MED12: variants seen among roughly 807,000 people sequenced by gnomAD.
The protein encoded by MED12 is mediator complex subunit 12, also known as mediator of RNA polymerase II transcription subunit 12.
A neutral mutation model predicts 177.7 loss-of-function variants in MED12; 10 were observed. The observed-to-expected ratio is 0.06, with a 90% CI of 0.03 to 0.10. The LOEUF (loss-of-function observed/expected upper bound fraction) is 0.10. Ranked by LOEUF, MED12 falls within the 10% of genes least tolerant of loss-of-function variation. The pLI is 1.00. For synonymous variants in MED12, 641 were observed against 678.4 expected, an observed-to-expected ratio of 0.94 and a Z score of 0.86; for missense variants, 867 against 1,780.8, an observed-to-expected ratio of 0.49 and a Z score of 9.23.
At position 71,136,330 on chromosome X, in the gene MED12, A is replaced by T; in HGVS notation, c.5075A>T (p.Glu1692Val). The change falls in exon 37 of 45, where the codon GAG (glutamate) becomes GTG (valine). Residue 1692 changes from glutamate to valine, a missense_variant. Around this residue, in one of 14 missense-constraint regions of MED12, gnomAD observed 36 missense variants for 141.5 expected, o/e 0.25. Coordinates refer to ENST00000374080, the MANE Select transcript of MED12 (RefSeq NM_005120.3). ...KQKISPWDLFEGLKPSAPLSW... is the reference protein window; with the variant it reads ...KQKISPWDLFVGLKPSAPLSW... Reference sequence around the variant, plus strand: ...AAGATCTCGCCCTGGGATCTTTTTGAGGGGTTGAAGCCGTCAGCACCACTC... The same window carrying T: ...AAGATCTCGCCCTGGGATCTTTTTGTGGGGTTGAAGCCGTCAGCACCACTC... 8.3e-7 allele frequency: 1 copy of T among 1,211,207 alleles called. No individual in the cohort carries two copies. The highest frequency in any genetic ancestry group is 2.3e-4 in the Middle Eastern group (1 of 4,324).
At chrX:71,139,626 C>T (rs1327579915) in intron 41 of MED12, among the ~76,000 whole-genome samples, 2 of 110,923 alleles carry the variant, frequency 1.8e-5, no homozygotes, top group African/African-American at 3.3e-5. Flanking sequence ...AGGCCAGGCA[C>T]GGTGGCTCAT....
In MED12 at chrX:71,127,873, C is replaced by G; in HGVS notation, c.2982-20C>G. The G allele has an allele frequency of 8.6e-7, 1 of 1,168,406 alleles. No homozygotes were observed. ...CAGGCCTTCTTCAACACTACTATCT[C>G]CTTTCCTCCATCCCTGCAGCGACTT... On this transcript the variant is annotated intron_variant, in intron 21 of 44. Coordinates refer to ENST00000374080, the MANE Select transcript of MED12 (RefSeq NM_005120.3).
In MED12 at chrX:71,141,235, G is replaced by C; in HGVS notation, c.6273G>C (p.Gln2091His). 8.6e-7 allele frequency: 1 copy of C among 1,164,634 alleles called. No individual in the cohort carries two copies. The highest frequency in any genetic ancestry group is 3.3e-5 in the East Asian group (1 of 30,675). The stretch of plus-strand genomic sequence containing the variant: ...TATCTTTTGTGTTCTTATAGCAGCA[G>C]CAGCAACAGCAACAGCAGCAGCAGC... ...QQQQQQILRQ[Q>H]QQQQQQQQQQ... The change falls in exon 43 of 45, where the codon CAG becomes CAC. Residue 2091 changes from glutamine (Q) to histidine (H), a missense_variant. Physicochemically the swap from Gln to His is conservative, Grantham distance 24. Transcript: ENST00000374080.
intron 41 of MED12, among the ~76,000 whole-genome samples, chrX:71,138,667 G>C (rs1180484852): frequency 9.1e-6 from 1 of 109,630 alleles, no homozygotes; most frequent in Non-Finnish European, 1.9e-5. Flanking sequence ...TTGAGCTTGG[G>C]AGTTTGAGGC....
rs1052726888 is a variant in MED12, at chrX:71,129,449, G to A, written c.3691+20G>A. The A allele has an allele frequency of 5.4e-6, 6 of 1,108,315 alleles. No individual in the cohort carries two copies. The highest frequency in any genetic ancestry group is 7.5e-6 in the Non-Finnish European group (6 of 801,853). 91.3% of individuals were successfully genotyped at this position (1,108,315 alleles called of 1,213,427 possible). A position where few individuals can be genotyped will look rare whatever the true frequency, so the allele number is the denominator to read the frequency against. ...TACTTGGTACGGGGGTAGGAAGGGA[G>A]TGGTGCCAGAAGTGTGTATAGGGTG... On this transcript the variant is annotated intron_variant, in intron 26 of 44. Transcript: ENST00000374080.
chrX:71,137,442 C>A, intron 39 of MED12, 59 bp downstream of exon 39: 1 of 1,173,557 alleles, frequency 8.5e-7, no homozygotes, highest in South Asian at 1.8e-5. Context: ...TTTTGAGGGT[C>A]ACAGGACGGA....
At chrX:71,123,547 A>G in intron 11 of MED12, 47 bp from the exon 12 acceptor site, 1 of 1,205,326 alleles carries the variant, frequency 8.3e-7, no homozygotes, top group Non-Finnish European at 1.1e-6. Flanking sequence ...TGAGGAGTGA[A>G]GAAGCAGGTA....
rs368546216 is a variant in MED12, at chrX:71,122,301, G to A, written c.1203G>A (p.Pro401=). ...CACTTGACCACTTGCCTATTGCCCC[G>A]TCCAACCTGCCCATGCCAGAGGGTA... ...GSPLDHLPIA[P]SNLPMPEGNS... The change falls in exon 8 of 45, where the codon CCG becomes CCA. Residue 401 remains proline, a synonymous_variant. Coordinates refer to ENST00000374080, the MANE Select transcript of MED12 (RefSeq NM_005120.3). 2.3e-5 allele frequency: 28 copies of A among 1,210,048 alleles called. No individual in the cohort carries two copies. Among genetic ancestry groups the A allele is most frequent in the African/African-American group, 1.6e-4 (9 of 57,182 alleles).
At chrX:71,134,601 G>A in intron 34 of MED12, 112 bp from the exon 35 acceptor site, 1 of 1,075,670 alleles carries the variant, frequency 9.3e-7, no homozygotes. Flanking sequence ...TACAGTTTTG[G>A]TGCCCTTGGG....
chrX:71,127,741 GC>G, intron 21 of MED12, 151 bp from the exon 22 acceptor site: 1 of 523,697 alleles, frequency 1.9e-6, no homozygotes, highest in Non-Finnish European at 3.3e-6. Context: ...TTCCTTTCCT[GC>G]CCAGTCTGTT....
chrX:71,122,077 G>A, intron 7 of MED12, 123 bp from the exon 8 acceptor site: 1 of 958,658 alleles, frequency 1.0e-6, no homozygotes, highest in Non-Finnish European at 1.5e-6. Context: ...GTGGAGTGAT[G>A]CCTGTCTTGG....
At chrX:71,141,855 C>G (rs73214878) in intron 43 of MED12, 28 bp from the exon 44 acceptor site, 3 of 1,186,965 alleles carry the variant, frequency 2.5e-6, no homozygotes, top group South Asian at 1.8e-5. Context: ...AGTTCGACTT[C>G]AGTCTTCCAC....
intron 15 of MED12, 39 bp downstream of exon 15, chrX:71,125,185 C>T (rs372518014): frequency 8.3e-7 from 1 of 1,200,300 alleles, no homozygotes; most frequent in African/African-American, 1.8e-5. Context: ...CTGTTTTGAA[C>T]CCAGATTGCT....
At position 71,134,349 on chromosome X, in the gene MED12, C is replaced by T. The variant is rs1300956651; in HGVS notation, c.4618-8C>T. On this transcript the variant is annotated splice_polypyrimidine_tract_variant and splice_region_variant and intron_variant, in intron 33 of 44. Coordinates refer to ENST00000374080, the MANE Select transcript of MED12 (RefSeq NM_005120.3). ...AGCCATCTGACTGACTTGTTGTGGC[C>T]CTGGCAGGTGGGGGGCATGTTTGAC... is the stretch of plus-strand genomic sequence containing the variant. The T allele has an allele frequency of 7.3e-6, 8 of 1,099,527 alleles. No individual in the cohort carries two copies. Among genetic ancestry groups the T allele is most frequent in the Non-Finnish European group, 9.9e-6 (8 of 810,770 alleles). 90.6% of individuals were successfully genotyped at this position (1,099,527 alleles called of 1,213,427 possible). A position where few individuals can be genotyped will look rare whatever the true frequency, so the allele number is the denominator to read the frequency against.
chrX:71,126,760 GTGT>G (rs1370400023), intron 19 of MED12, among the ~76,000 whole-genome samples: 7 of 112,161 alleles, frequency 6.2e-5, no homozygotes. Context: ...CTGGTTAGAG[GTGT>G]TGTTGATAGA....
At chrX:71,125,777 C>G in intron 17 of MED12, 64 bp downstream of exon 17, 1 of 989,456 alleles carries the variant, frequency 1.0e-6, no homozygotes, top group Non-Finnish European at 1.4e-6. Context: ...AACCTAGCAC[C>G]TCCCTGTACA....
At chrX:71,125,171 T>C (rs779153280) in intron 15 of MED12, 25 bp downstream of exon 15, 14 of 1,204,758 alleles carry the variant, frequency 1.2e-5, no homozygotes, top group African/African-American at 1.8e-5. Context: ...CACCTTGTGA[T>C]GATCTGTTTT....
At chrX:71,123,052 C>G in intron 10 of MED12, 43 bp from the exon 11 acceptor site, 1 of 1,207,364 alleles carries the variant, frequency 8.3e-7, no homozygotes, top group Non-Finnish European at 1.1e-6. Flanking sequence ...TTTCTTTGTC[C>G]CCACCCCTAC....
chrX:71,125,070 A>G lies in MED12; in HGVS notation c.2150A>G (p.Lys717Arg). ...GAGGTGAAGCCCCCACCCAAGGAGA[A>G]GATTGAAGGGACCCTTGGGGTTCTT... The part of the protein sequence containing the change: ...EKEVKPPPKE[K>R]IEGTLGVLYD... The change falls in exon 15 of 45, where the codon AAG (lysine) becomes AGG (arginine). Residue 717 changes from lysine (K) to arginine (R), a missense_variant. Lys to Arg is a conservative substitution (Grantham distance 26). This residue lies in a region of MED12 where 309 missense variants were observed against 556.3 expected (regional missense o/e 0.56). Transcript: ENST00000374080. 1 of 1,210,774 alleles carries G rather than the reference A, an allele frequency of 8.3e-7. No homozygotes were observed. Among genetic ancestry groups the G allele is most frequent in the Non-Finnish European group, 1.1e-6 (1 of 894,963 alleles).
Sources: gnomAD v4.1 joint callset for allele counts (sites outside exome capture counted in the v4.1 genomes callset) on GRCh38, gnomAD v4.1.1 for gene constraint, gnomAD v4.1.1 regional missense constraint, MANE v1.5 for transcripts, NCBI Gene and HGNC (gene_info 2026-07-23, HGNC 2026-07-21) for gene names.